ANP32B: variants seen among roughly 807,000 people sequenced by gnomAD.
The protein encoded by ANP32B is acidic leucine-rich nuclear phosphoprotein 32 family member B.
ANP32B carries 6 observed loss-of-function variants against 32.2 expected under a neutral mutation model. That is an observed-to-expected ratio of 0.19 (90% confidence interval 0.10 to 0.37). ANP32B has a LOEUF of 0.37. Among genes scored for constraint, ANP32B ranks in the 10% least tolerant of loss-of-function variants. The pLI, the probability that ANP32B is intolerant of heterozygous loss-of-function variation, is 1.00. For missense variants in ANP32B, 204 were observed against 289.2 expected (o/e 0.71, Z 2.14); for synonymous variants, 98 against 105.8 (o/e 0.93, Z 0.45).
At chr9:97,986,079 C>G (rs1827727125) in intron 1 of ANP32B, among the ~76,000 whole-genome samples, 1 of 152,130 alleles carries the variant, frequency 6.6e-6, no homozygotes, top group Non-Finnish European at 1.5e-5. Flanking sequence ...CCTCGGCCTC[C>G]CAAAGTGCTG....
At chr9:98,010,836 C>A (rs1316615894) in intron 4 of ANP32B, among the ~76,000 whole-genome samples, 6 of 107,930 alleles carry the variant, frequency 5.6e-5, no homozygotes, top group African/African-American at 2.7e-4. Flanking sequence ...AGAGAAGGTA[C>A]ATGATTTTTT....
At chr9:97,997,740 T>C (rs981433788) in intron 2 of ANP32B, among the ~76,000 whole-genome samples, 1 of 152,220 alleles carries the variant, frequency 6.6e-6, no homozygotes, top group Non-Finnish European at 1.5e-5. Flanking sequence ...CAGAACCAGC[T>C]GTGTAGCTGA....
chr9:97,987,727 C>T (rs1827760057), intron 1 of ANP32B: 1 of 152,308 alleles, frequency 6.6e-6, no homozygotes, highest in African/African-American at 2.4e-5. Flanking sequence ...TGGACTGTGA[C>T]ATTTCATATA....
At chr9:97,998,430 A>T in intron 2 of ANP32B, 126 bp from the exon 3 acceptor site, 2 of 1,038,530 alleles carry the variant, frequency 1.9e-6, no homozygotes, top group Non-Finnish European at 2.7e-6. Context: ...GCATGCCCTA[A>T]TAGAAATAGG....
intron 1 of ANP32B, 134 bp from the exon 2 acceptor site, chr9:97,994,497 T>C: frequency 1.3e-6 from 1 of 745,740 alleles, no homozygotes; most frequent in African/African-American, 1.8e-5. Flanking sequence ...TTTATAACTA[T>C]GATCTAGGTC....
At chr9:98,005,677 C>G (rs1437383351) in intron 4 of ANP32B, among the ~76,000 whole-genome samples, 2 of 152,212 alleles carry the variant, frequency 1.3e-5, no homozygotes, top group African/African-American at 4.8e-5. Context: ...CCCACCTCAG[C>G]CTCCCCAAGT....
chr9:97,994,261 T>C (rs922872169), intron 1 of ANP32B, among the ~76,000 whole-genome samples: 8 of 152,224 alleles, frequency 5.3e-5, no homozygotes, highest in Non-Finnish European at 1.0e-4. Flanking sequence ...AGACCCAGCC[T>C]AAAGAGTGTC....
intron 1 of ANP32B, among the ~76,000 whole-genome samples, chr9:97,991,013 G>C (rs1244530228): frequency 6.6e-6 from 1 of 151,584 alleles, no homozygotes; most frequent in Non-Finnish European, 1.5e-5. Flanking sequence ...GTAGAGATGG[G>C]GTTTCGCCAG....
intron 4 of ANP32B, 167 bp downstream of exon 4, chr9:98,005,320 C>A: frequency 2.2e-5 from 11 of 511,232 alleles, no homozygotes; most frequent in South Asian, 8.2e-5. Flanking sequence ...CTAGCCTGGG[C>A]AACATGGCAA....
At chr9:97,997,943 G>T (rs1159535527) in intron 2 of ANP32B, among the ~76,000 whole-genome samples, 1 of 152,198 alleles carries the variant, frequency 6.6e-6, no homozygotes, top group Non-Finnish European at 1.5e-5. Flanking sequence ...CTAGTGCCAG[G>T]TTTATGCAAG....
chr9:98,011,123 A>T, intron 4 of ANP32B, 148 bp from the exon 5 acceptor site: 1 of 1,140,970 alleles, frequency 8.8e-7, no homozygotes, highest in Non-Finnish European at 1.2e-6. Flanking sequence ...GGACAAAGGG[A>T]CTGAGCTGTA....
At chr9:97,983,803 C>T (rs1053585707) in intron 1 of ANP32B, among the ~76,000 whole-genome samples, 194 bp downstream of exon 1, 39 of 151,422 alleles carry the variant, frequency 2.6e-4, no homozygotes, top group African/African-American at 8.7e-4. Flanking sequence ...CGCCCGCGGG[C>T]CCCTGGGGCG....
chr9:97,983,405 GC>G lies in ANP32B; in HGVS notation c.-148del. On this transcript the variant is annotated 5_prime_UTR_variant, in exon 1 of 7. Transcript: ENST00000339399. ...TTGGCTCCGGGGGCTCCGCTCGCCT[GC>G]CCGCACGCCGCCCGCCACCCAGGAC... The G allele has an allele frequency of 1.6e-6, 1 of 619,976 alleles. No individual in the cohort carries two copies. Among genetic ancestry groups the G allele is most frequent in the Non-Finnish European group, 2.8e-6 (1 of 363,538 alleles). 38.4% of individuals were successfully genotyped at this position (619,976 alleles called of 1,614,324 possible). A position where few individuals can be genotyped will look rare whatever the true frequency, so the allele number is the denominator to read the frequency against.
At chr9:98,001,277 C>T (rs1032658270) in intron 3 of ANP32B, among the ~76,000 whole-genome samples, 5 of 151,690 alleles carry the variant, frequency 3.3e-5, no homozygotes, top group East Asian at 1.9e-4. Flanking sequence ...TTGCAAGCTC[C>T]GCCTTCTGGG....
intron 6 of ANP32B, among the ~76,000 whole-genome samples, chr9:98,014,407 CA>C (rs1002349531): frequency 2.4e-4 from 31 of 131,692 alleles, no homozygotes; most frequent in South Asian, 1.5e-3. Context: ...GAGTCTGTCT[CA>C]AAAAAAAAAA....
intron 5 of ANP32B, 30 bp from the exon 6 acceptor site, chr9:98,012,386 ATTAAT>A (rs1249242619): frequency 9.4e-6 from 15 of 1,599,318 alleles, no homozygotes; most frequent in Non-Finnish European, 1.2e-5. Context: ...ATTTGGCAGA[ATTAAT>A]TTAATGTTAT....
At chr9:98,007,662 T>C (rs1349243028) in intron 4 of ANP32B, among the ~76,000 whole-genome samples, 1 of 152,212 alleles carries the variant, frequency 6.6e-6, no homozygotes, top group Non-Finnish European at 1.5e-5. Context: ...CTGGACGGCT[T>C]TCTGGTTTCA....
intron 3 of ANP32B, among the ~76,000 whole-genome samples, chr9:98,002,635 T>G (rs1408938580): frequency 6.6e-6 from 1 of 152,180 alleles, no homozygotes; most frequent in African/African-American, 2.4e-5. Flanking sequence ...TTGCTTTCAT[T>G]TCATTTTTCA....
intron 2 of ANP32B, among the ~76,000 whole-genome samples, chr9:97,995,118 A>C (rs1294269800): frequency 6.6e-6 from 1 of 152,242 alleles, no homozygotes; most frequent in Non-Finnish European, 1.5e-5. Flanking sequence ...TAATTGTTAT[A>C]AAAACAATTC....
Sources: allele counts gnomAD v4.1 joint callset (sites outside exome capture counted in the v4.1 genomes callset), GRCh38; gene constraint gnomAD v4.1.1; transcripts MANE v1.5; gene names NCBI Gene and HGNC (gene_info 2026-07-23, HGNC 2026-07-21).